The following AP3B1 variants were observed in gnomAD, a reference collection of about 807,000 sequenced individuals.
AP3B1 encodes the protein adaptor related protein complex 3 subunit beta 1, also known as AP-3 complex subunit beta-1.
AP3B1 carries 61 observed loss-of-function variants against 132.5 expected under a neutral mutation model. The ratio of observed to expected loss-of-function variants is 0.46; its 90% CI spans 0.37 to 0.57. The LOEUF (loss-of-function observed/expected upper bound fraction) is 0.57, where lower values mean the gene tolerates loss of function less well. Ranked by LOEUF, AP3B1 falls within the 20% of genes least tolerant of loss-of-function variation. The probability of loss-of-function intolerance (pLI) is 0.00; values close to 1 mark genes in which losing one functional copy is unlikely to be tolerated. For synonymous variants in AP3B1, 388 were observed against 438.3 expected (o/e 0.89, Z 1.43); for missense variants, 1,120 against 1,289.4 (o/e 0.87, Z 2.01).
rs529168758 is a variant in AP3B1 at position 78,120,182 on chromosome 5, C to T, written c.1969-3948G>A. On this transcript the variant is annotated intron_variant, in intron 17 of 26. Transcript: ENST00000255194. ...CACCCGGCCTGCCCTAAAAGAGCTC[C>T]TAAAGGAAGCACTAAATATGGAAAA... Among the ~76,000 whole-genome samples, 15 of 152,264 alleles carry T rather than the reference C, an allele frequency of 9.9e-5. No individual in the cohort carries two copies. In the South Asian group the frequency reaches 2.3e-3, roughly 23 times the overall value.
At chr5:78,292,538 C>T (rs1283827405) in intron 1 of AP3B1, among the ~76,000 whole-genome samples, 1 of 152,172 alleles carries the variant, frequency 6.6e-6, no homozygotes, top group African/African-American at 2.4e-5. Context: ...CAATGTTCTA[C>T]CTTTGTGGCC....
At chr5:78,121,924 G>A (rs1561422227) in intron 17 of AP3B1, 2 of 152,358 alleles carry the variant, frequency 1.3e-5, no homozygotes, top group Non-Finnish European at 2.9e-5. Flanking sequence ...TATCCTTGAT[G>A]AACATTGATG....
At chr5:78,253,830 G>A (rs1184205141) in intron 2 of AP3B1, among the ~76,000 whole-genome samples, 1 of 151,862 alleles carries the variant, frequency 6.6e-6, no homozygotes, top group Non-Finnish European at 1.5e-5. Flanking sequence ...AGCCGGGCAT[G>A]GTGGTGGGCA....
chr5:78,038,313 A>G (rs1259307774), intron 23 of AP3B1, among the ~76,000 whole-genome samples: 1 of 152,222 alleles, frequency 6.6e-6, no homozygotes, highest in Non-Finnish European at 1.5e-5. Flanking sequence ...GCTACTGTAT[A>G]TTCTATACAT....
chr5:78,281,170 C>T (rs1026102648), intron 1 of AP3B1, among the ~76,000 whole-genome samples: 1 of 152,272 alleles, frequency 6.6e-6, no homozygotes, highest in Middle Eastern at 3.4e-3. Flanking sequence ...CGCAGTGGCT[C>T]GCGCCTGTAA....
intron 22 of AP3B1, among the ~76,000 whole-genome samples, chr5:78,060,515 T>C (rs1749000397): frequency 6.6e-6 from 1 of 152,206 alleles, no homozygotes; most frequent in East Asian, 1.9e-4. Context: ...TATAAAAGAA[T>C]GTTTTCTCTG....
At chr5:78,037,280 G>C (rs1747845516) in intron 23 of AP3B1, among the ~76,000 whole-genome samples, 1 of 152,016 alleles carries the variant, frequency 6.6e-6, no homozygotes. Flanking sequence ...TGTATCAGCT[G>C]CTTGACACTT....
intron 24 of AP3B1, among the ~76,000 whole-genome samples, chr5:78,024,922 C>G (rs1747276941): frequency 6.9e-6 from 1 of 145,506 alleles, no homozygotes; most frequent in African/African-American, 2.6e-5. Context: ...TGATCTTGAA[C>G]TCCTGGCCTC....
intron 25 of AP3B1, 148 bp from the exon 26 acceptor site, chr5:78,015,696 A>G: frequency 1.3e-6 from 1 of 753,256 alleles, no homozygotes; most frequent in African/African-American, 1.8e-5. Flanking sequence ...TTATAAAACT[A>G]AAACAAAATG....
intron 14 of AP3B1, among the ~76,000 whole-genome samples, chr5:78,154,959 C>T (rs1743086860): frequency 6.6e-6 from 1 of 152,102 alleles, no homozygotes; most frequent in African/African-American, 2.4e-5. Flanking sequence ...CCCCTGACGC[C>T]TTATGTAGTT....
intron 25 of AP3B1, 152 bp from the exon 26 acceptor site, chr5:78,015,700 CAA>C: frequency 1.4e-6 from 1 of 738,836 alleles, no homozygotes; most frequent in South Asian, 1.8e-5. Flanking sequence ...AAAACTAAAA[CAA>C]AATGCAATTG....
At chr5:78,195,231 C>G (rs574187059) in intron 7 of AP3B1, among the ~76,000 whole-genome samples, 2 of 152,034 alleles carry the variant, frequency 1.3e-5, no homozygotes, top group African/African-American at 4.8e-5. Flanking sequence ...GGTAGCAAAA[C>G]GAGAGCAGCC....
At position 78,082,876 on chromosome 5, in the gene AP3B1, C is replaced by T. The variant is rs1467799198; in HGVS notation, c.2577+6517G>A. Among the ~76,000 whole-genome samples, 5 of 151,596 alleles carry T rather than the reference C, an allele frequency of 3.3e-5. No individual in the cohort carries two copies. In the South Asian group the frequency reaches 8.3e-4, roughly 25 times the overall value. On this transcript the variant is annotated intron_variant, in intron 22 of 26. Transcript: ENST00000255194. ...TGTTGCTCAAGCTGGAGTGCAGTGG[C>T]GCGATCTTGGCTCACTGCAACCTCC...
chr5:78,020,766 A>G lies in AP3B1; in HGVS notation c.2918T>C (p.Val973Ala), dbSNP rs773877723. 6.2e-7 allele frequency: 1 copy of G among 1,612,282 alleles called. No homozygotes were observed. The highest frequency in any genetic ancestry group is 1.1e-5 in the South Asian group (1 of 91,050). The change falls in exon 25 of 27, where the codon GTT becomes GCT. Residue 973 changes from valine to alanine, a missense_variant. Coordinates refer to ENST00000255194, the MANE Select transcript of AP3B1 (RefSeq NM_003664.5). The stretch of plus-strand genomic sequence containing the variant: ...TTCTCCAACAGGTGGCTGAATATTA[A>G]CATTGAAGCAATCATCCTTGGTACT... Reference protein sequence around the residue: ...QLCTKDDCFNVNIQPPVGELL... With the variant: ...QLCTKDDCFNANIQPPVGELL...
At chr5:78,264,241 T>C (rs1748226210) in intron 2 of AP3B1, among the ~76,000 whole-genome samples, 2 of 152,200 alleles carry the variant, frequency 1.3e-5, no homozygotes, top group Non-Finnish European at 1.5e-5. Context: ...TGAAAAAGGA[T>C]GAAATTATGT....
At chr5:78,096,986 CCAGCCGCCCT>C (rs1429577368) in intron 21 of AP3B1, among the ~76,000 whole-genome samples, 3 of 141,988 alleles carry the variant, frequency 2.1e-5, no homozygotes, top group Admixed American at 6.8e-5. Flanking sequence ...CTCTGCCCGG[CCAGCCGCCCT>C]GTCCGGGAGG....
At position 78,040,226 on chromosome 5, in the gene AP3B1, G is replaced by T. The variant is rs183341230; in HGVS notation, c.2578-952C>A. Among the ~76,000 whole-genome samples the T allele has an allele frequency of 2.6e-5, 4 of 152,116 alleles. No homozygotes were observed. The East Asian group carries it at 7.7e-4, about 29-fold the overall frequency. The stretch of plus-strand genomic sequence containing the variant: ...TTCAAATTTTAATTCATATGGAATT[G>T]ATTTTGATATATTGACTCCATATTT... On this transcript the variant is annotated intron_variant, in intron 22 of 26. Coordinates refer to ENST00000255194, the MANE Select transcript of AP3B1 (RefSeq NM_003664.5).
chr5:78,149,148 C>G lies in AP3B1; in HGVS notation c.1473+7110G>C, dbSNP rs151326574. On this transcript the variant is annotated intron_variant, in intron 14 of 26. Coordinates refer to ENST00000255194, the MANE Select transcript of AP3B1 (RefSeq NM_003664.5). ...AATAAAAAAAACCTTGGCTAGGTCA[C>G]TGAGTAGGTATGTGAACTGAATACA... Among the ~76,000 whole-genome samples, 16 of 152,254 alleles carry G rather than the reference C, an allele frequency of 1.1e-4. No individual in the cohort carries two copies. In the East Asian group the frequency reaches 3.1e-3, roughly 29 times the overall value.
chr5:78,097,399 G>A (rs1269948930), intron 21 of AP3B1, among the ~76,000 whole-genome samples: 5 of 120,950 alleles, frequency 4.1e-5, no homozygotes, highest in Admixed American at 7.9e-5. Context: ...TCAGCCCCCC[G>A]CCCGGCCAGC....
Sources: gnomAD v4.1 joint callset for allele counts (sites outside exome capture counted in the v4.1 genomes callset) on GRCh38, gnomAD v4.1.1 for gene constraint, MANE v1.5 for transcripts, NCBI Gene and HGNC (gene_info 2026-07-23, HGNC 2026-07-21) for gene names.